PHIP: variants seen among roughly 807,000 people sequenced by gnomAD.
PHIP encodes PHIP subunit of CUL4-Ring ligase complex, also known as PH-interacting protein.
Under a neutral mutation model 236.8 loss-of-function variants are expected in PHIP, and 54 were observed. That is an observed-to-expected ratio of 0.23 (90% CI 0.18 to 0.29). PHIP has a LOEUF of 0.29. Ranked by LOEUF, PHIP falls within the 10% of genes least tolerant of loss-of-function variation. The pLI is 1.00. For missense variants in PHIP, 1,370 were observed against 2,190.8 expected (o/e 0.63, Z 7.48); for synonymous variants, 756 against 718.9 (o/e 1.05, Z -0.83).
At chr6:78,970,262 T>G in intron 25 of PHIP, 89 bp from the exon 26 acceptor site, 2 of 1,133,690 alleles carry the variant, frequency 1.8e-6, no homozygotes, top group Non-Finnish European at 2.5e-6. Context: ...AACTTCTTGG[T>G]TTAAATCTTG....
Position 79,009,625 on chromosome 6 carries a change from C to A in PHIP, c.1524+5457G>T, listed in dbSNP as rs185905467. On this transcript the variant is annotated intron_variant, in intron 15 of 39. Coordinates refer to ENST00000275034, the MANE Select transcript of PHIP (RefSeq NM_017934.7). ...TGTGGTCCTCATATTTTGTGCTTAA[C>A]ACAAAAGAAAACACTCAAATATTTG... 2.9e-3 allele frequency among the ~76,000 whole-genome samples: 440 copies of A among 152,136 alleles called. 2 individuals are homozygous for A. The highest frequency in any genetic ancestry group is 9.8e-3 in the African/African-American group (408 of 41,554).
rs776646760 is a variant in PHIP, at chr6:78,998,367, T to C, written c.1904A>G (p.Gln635Arg). 2 of 1,613,716 alleles carry C rather than the reference T, an allele frequency of 1.2e-6. No homozygotes were observed. The highest frequency in any genetic ancestry group is 3.3e-5 in the Admixed American group (2 of 59,980). Residue 635 changes from glutamine to arginine, a missense_variant, in exon 18 of 40, where the codon CAA becomes CGA. Around this residue, in one of 14 missense-constraint regions of PHIP, gnomAD observed 133 missense variants for 245.2 expected, o/e 0.54. Transcript: ENST00000275034. ...SSGLNQVLSQ[Q>R]ANQEISPLDS... ...CAGTGGGCTGATCTCCTGGTTTGCT[T>C]GCTGACTTAAAACTTGATTCAGTCC...
At chr6:79,032,469 T>C (rs1430498935) in intron 7 of PHIP, among the ~76,000 whole-genome samples, 1 of 152,228 alleles carries the variant, frequency 6.6e-6, no homozygotes, top group African/African-American at 2.4e-5. Flanking sequence ...TCCTTTGTTT[T>C]CATTTCAACA....
chr6:79,059,620 T>G (rs888348833), intron 6 of PHIP, among the ~76,000 whole-genome samples: 1 of 123,102 alleles, frequency 8.1e-6, no homozygotes, highest in African/African-American at 3.2e-5. Flanking sequence ...TATATATATA[T>G]ATATAAAAAT....
At chr6:79,050,951 T>G (rs1772761633) in intron 6 of PHIP, among the ~76,000 whole-genome samples, 1 of 152,202 alleles carries the variant, frequency 6.6e-6, no homozygotes, top group African/African-American at 2.4e-5. Flanking sequence ...ATCAACTTTG[T>G]TGTAAGATTT....
intron 9 of PHIP, among the ~76,000 whole-genome samples, chr6:79,022,064 A>C (rs1193952849): frequency 6.6e-6 from 1 of 152,174 alleles, no homozygotes; most frequent in Non-Finnish European, 1.5e-5. Context: ...AAGGGAAAAA[A>C]CAAGTAGCTA....
chr6:78,983,286 T>C (rs1307098569), intron 22 of PHIP, among the ~76,000 whole-genome samples, 169 bp from the exon 23 acceptor site: 1 of 152,186 alleles, frequency 6.6e-6, no homozygotes. Context: ...CTTGAAATTC[T>C]ATAGGCTTTA....
At chr6:78,967,778 T>C (rs916628313) in intron 27 of PHIP, among the ~76,000 whole-genome samples, 5 of 152,172 alleles carry the variant, frequency 3.3e-5, no homozygotes, top group East Asian at 1.9e-4. Flanking sequence ...TTCTGGAATA[T>C]TGCTGCACTT....
chr6:78,978,773 A>G (rs1562147067), intron 23 of PHIP, 62 bp from the exon 24 acceptor site: 1 of 1,306,880 alleles, frequency 7.7e-7, no homozygotes, highest in Non-Finnish European at 1.1e-6. Context: ...CCACAAATCT[A>G]CTCTTTAAAA....
At chr6:79,028,677 A>T (rs1175116603) in intron 7 of PHIP, among the ~76,000 whole-genome samples, 2 of 152,234 alleles carry the variant, frequency 1.3e-5, no homozygotes, top group African/African-American at 4.8e-5. Flanking sequence ...CCAAAACTGA[A>T]GCAATTTTGG....
At chr6:79,062,603 A>G (rs1435273469) in intron 4 of PHIP, among the ~76,000 whole-genome samples, 1 of 152,180 alleles carries the variant, frequency 6.6e-6, no homozygotes, top group Non-Finnish European at 1.5e-5. Flanking sequence ...CTGGCAAAAT[A>G]TATTTTCAGG....
intron 12 of PHIP, 98 bp downstream of exon 12, chr6:79,017,248 G>C (rs1295265760): frequency 1.5e-6 from 1 of 682,822 alleles, no homozygotes; most frequent in African/African-American, 1.8e-5. Flanking sequence ...TTTTAGGTAG[G>C]TGATTATTTC....
At chr6:79,017,454 C>A (rs1311953694) in intron 11 of PHIP, 29 bp downstream of exon 11, 1 of 1,573,356 alleles carries the variant, frequency 6.4e-7, no homozygotes, top group South Asian at 1.1e-5. Context: ...ATAAATTATA[C>A]TCATCTAATT....
At chr6:79,077,818 C>A in intron 2 of PHIP, 37 bp downstream of exon 2, 1 of 1,225,240 alleles carries the variant, frequency 8.2e-7, no homozygotes, top group Non-Finnish European at 1.0e-6. Context: ...CCGCGAGCGG[C>A]GAGCGCCGGC....
chr6:78,962,626 T>G (rs556345309), intron 30 of PHIP, among the ~76,000 whole-genome samples: 1 of 152,174 alleles, frequency 6.6e-6, no homozygotes, highest in Admixed American at 6.5e-5. Context: ...GATAATCAAG[T>G]TTTGTGGTCA....
At chr6:78,993,412 T>C (rs548303411) in intron 19 of PHIP, among the ~76,000 whole-genome samples, 2 of 152,112 alleles carry the variant, frequency 1.3e-5, no homozygotes, top group Admixed American at 6.5e-5. Context: ...GAAGATATCA[T>C]CTGGACTTTC....
At chr6:79,033,825 T>A (rs932962998) in intron 7 of PHIP, among the ~76,000 whole-genome samples, 3 of 152,180 alleles carry the variant, frequency 2.0e-5, no homozygotes, top group African/African-American at 7.2e-5. Context: ...CTCGCCTTAA[T>A]CTTTTCTAAC....
At chr6:79,026,660 T>C (rs1163812836) in intron 7 of PHIP, among the ~76,000 whole-genome samples, 2 of 152,040 alleles carry the variant, frequency 1.3e-5, no homozygotes, top group Non-Finnish European at 2.9e-5. Context: ...AGAAAAAAAT[T>C]AATCTCATCT....
At chr6:79,043,031 G>T (rs775967951) in intron 6 of PHIP, 28 bp from the exon 7 acceptor site, 1 of 1,567,180 alleles carries the variant, frequency 6.4e-7, no homozygotes, top group Non-Finnish European at 8.7e-7. Context: ...GAAAATAAAT[G>T]TAATCTGGAA....
Sources: gnomAD v4.1 joint callset for allele counts (sites outside exome capture counted in the v4.1 genomes callset) on GRCh38, gnomAD v4.1.1 for gene constraint, gnomAD v4.1.1 regional missense constraint, MANE v1.5 for transcripts, NCBI Gene and HGNC (gene_info 2026-07-23, HGNC 2026-07-21) for gene names.